NCOA1: variants seen among roughly 807,000 people sequenced by gnomAD.
NCOA1 encodes the protein Hin-2 protein.
Under a neutral mutation model 150.9 loss-of-function variants are expected in NCOA1, and 35 were observed. The ratio of observed to expected loss-of-function variants is 0.23; its 90% CI spans 0.18 to 0.31. The LOEUF is 0.31. Among genes scored for constraint, NCOA1 ranks in the 10% least tolerant of loss-of-function variants. The probability of loss-of-function intolerance (pLI) is 1.00; values close to 1 mark genes in which losing one functional copy is unlikely to be tolerated. For synonymous variants in NCOA1, 590 were observed against 630.0 expected (o/e 0.94, Z 0.95); for missense variants, 1,491 against 1,749.3 (o/e 0.85, Z 2.63).
intron 11 of NCOA1, among the ~76,000 whole-genome samples, chr2:24,698,429 A>C (rs1673002093): frequency 6.6e-6 from 1 of 152,172 alleles, no homozygotes; most frequent in Non-Finnish European, 1.5e-5. Flanking sequence ...AATATATCCT[A>C]TGAAATTATT....
chr2:24,555,708 C>G (rs934596565), intron 1 of NCOA1, among the ~76,000 whole-genome samples: 1 of 152,074 alleles, frequency 6.6e-6, no homozygotes. Flanking sequence ...ACATAGTGTT[C>G]CACTTTATTA....
chr2:24,675,129 T>A (rs1467637033), intron 7 of NCOA1, among the ~76,000 whole-genome samples: 1 of 152,240 alleles, frequency 6.6e-6, no homozygotes, highest in Non-Finnish European at 1.5e-5. Flanking sequence ...TTCCCTTTTT[T>A]AATTCTGTGC....
chr2:24,764,604 A>C (rs761088171), intron 22 of NCOA1, among the ~76,000 whole-genome samples: 7 of 152,248 alleles, frequency 4.6e-5, no homozygotes, highest in Non-Finnish European at 1.0e-4. Context: ...GTCCTGGGAA[A>C]CCAAATCAAC....
intron 14 of NCOA1, among the ~76,000 whole-genome samples, chr2:24,722,832 A>G (rs1241426742): frequency 6.6e-6 from 1 of 152,018 alleles, no homozygotes; most frequent in Non-Finnish European, 1.5e-5. Context: ...TGGGCAAAAA[A>G]TACAAAAATT....
intron 1 of NCOA1, among the ~76,000 whole-genome samples, chr2:24,524,896 C>T (rs1427992028): frequency 6.6e-6 from 1 of 152,196 alleles, no homozygotes; most frequent in East Asian, 1.9e-4. Context: ...AGGTGTGAGC[C>T]ACTGCACCCA....
chr2:24,745,748 C>G (rs901227663), intron 19 of NCOA1, among the ~76,000 whole-genome samples: 2 of 152,148 alleles, frequency 1.3e-5, no homozygotes, highest in Non-Finnish European at 2.9e-5. Flanking sequence ...CCACCAACAC[C>G]CCAAACTTAA....
At chr2:24,529,176 G>A (rs529285411) in intron 1 of NCOA1, among the ~76,000 whole-genome samples, 2 of 152,286 alleles carry the variant, frequency 1.3e-5, no homozygotes, top group East Asian at 3.9e-4. Context: ...ATGAGCCACC[G>A]TGCCGGCCTG....
intron 1 of NCOA1, among the ~76,000 whole-genome samples, chr2:24,532,670 T>C (rs935050359): frequency 6.6e-6 from 1 of 152,226 alleles, no homozygotes; most frequent in Non-Finnish European, 1.5e-5. Context: ...TTTCTACATA[T>C]GGCTAACCAG....
At chr2:24,496,841 C>T (rs17734264) in intron 1 of NCOA1, among the ~76,000 whole-genome samples, 31,031 of 152,004 alleles carry the variant, frequency 0.2, 3,323 homozygotes, top group Non-Finnish European at 0.23. Flanking sequence ...ATAAGAATTC[C>T]TGTAAGCTTT....
chr2:24,675,550 C>G (rs1272608184), intron 7 of NCOA1, among the ~76,000 whole-genome samples: 25 of 152,114 alleles, frequency 1.6e-4, no homozygotes, highest in Admixed American at 1.6e-3. Flanking sequence ...CAGAGGAAAT[C>G]CGAGTATTCT....
chr2:24,552,898 T>C (rs1665919457), intron 1 of NCOA1, among the ~76,000 whole-genome samples: 1 of 152,220 alleles, frequency 6.6e-6, no homozygotes, highest in African/African-American at 2.4e-5. Context: ...ATTAATCCTT[T>C]GGGATTTTCT....
intron 1 of NCOA1, among the ~76,000 whole-genome samples, chr2:24,537,145 C>T (rs1359425475): frequency 6.6e-6 from 1 of 151,994 alleles, no homozygotes; most frequent in Non-Finnish European, 1.5e-5. Flanking sequence ...TATCTGGACT[C>T]CCATGTTCAT....
intron 2 of NCOA1, among the ~76,000 whole-genome samples, chr2:24,576,180 T>TTTTTTTTTTTTTTG (rs1666974254): frequency 1.0e-5 from 1 of 95,738 alleles, no homozygotes; most frequent in African/African-American, 3.3e-5. Context: ...GTTTTTTTTT[T>TTTTTTTTTTTTTTG]TTTTTTTTTT....
intron 2 of NCOA1, among the ~76,000 whole-genome samples, chr2:24,569,827 G>T (rs1245764145): frequency 3.4e-5 from 5 of 147,606 alleles, no homozygotes; most frequent in Non-Finnish European, 3.0e-5. Flanking sequence ...CCAAGATCGC[G>T]CCACTGCACT....
chr2:24,514,272 T>TGA (rs1162362301), intron 1 of NCOA1, among the ~76,000 whole-genome samples: 3 of 101,518 alleles, frequency 3.0e-5, no homozygotes, highest in African/African-American at 1.2e-4. Context: ...GGCAACAGAG[T>TGA]GAGACTCTGT....
chr2:24,665,317 T>C (rs934627329), intron 5 of NCOA1, among the ~76,000 whole-genome samples: 8 of 152,228 alleles, frequency 5.3e-5, no homozygotes, highest in African/African-American at 1.9e-4. Context: ...GATTTCTAAT[T>C]ATAACTTGTG....
intron 2 of NCOA1, among the ~76,000 whole-genome samples, chr2:24,565,772 C>T (rs1469174370): frequency 2.0e-5 from 3 of 152,236 alleles, no homozygotes; most frequent in Admixed American, 6.5e-5. Context: ...CCACTGTGCA[C>T]AGCCAGGCAC....
intron 3 of NCOA1, among the ~76,000 whole-genome samples, chr2:24,622,748 T>C (rs1325239308): frequency 6.6e-6 from 1 of 152,210 alleles, no homozygotes; most frequent in East Asian, 1.9e-4. Context: ...TTATTGCCCA[T>C]ATGCAGATCA....
chr2:24,719,028 C>CAAAAAAA (rs59556004), intron 14 of NCOA1, among the ~76,000 whole-genome samples: 1 of 34,456 alleles, frequency 2.9e-5, no homozygotes, highest in Admixed American at 4.2e-4. Flanking sequence ...GACTCTGTCC[C>CAAAAAAA]AAAAAAAAAA....
Sources: gnomAD v4.1 joint callset for allele counts (sites outside exome capture counted in the v4.1 genomes callset) on GRCh38, gnomAD v4.1.1 for gene constraint, MANE v1.5 for transcripts, NCBI Gene and HGNC (gene_info 2026-07-23, HGNC 2026-07-21) for gene names.